EHMT1: variants seen among roughly 807,000 people sequenced by gnomAD.
EHMT1 encodes euchromatic histone lysine methyltransferase 1, also known as histone-lysine N-methyltransferase EHMT1.
In EHMT1, 15 loss-of-function variants were observed where a neutral mutation model predicts 147.2. That is an observed-to-expected ratio of 0.10 (90% CI 0.07 to 0.16). EHMT1 has a LOEUF of 0.16. Among genes scored for constraint, EHMT1 ranks in the 10% least tolerant of loss-of-function variants. EHMT1 has a pLI of 1.00. For missense variants in EHMT1, 1,587 were observed against 1,772.4 expected (o/e 0.90, Z 1.88); for synonymous variants, 795 against 709.6 (o/e 1.12, Z -1.91).
chr9:137,626,639 T>C (rs1174204654), intron 1 of EHMT1, among the ~76,000 whole-genome samples: 1 of 152,162 alleles, frequency 6.6e-6, no homozygotes, highest in South Asian at 2.1e-4. Flanking sequence ...ACCTTTCCTT[T>C]AGTGTCTCAT....
chr9:137,770,841 G>C (rs561790671), intron 10 of EHMT1, among the ~76,000 whole-genome samples: 3 of 152,238 alleles, frequency 2.0e-5, no homozygotes, highest in African/African-American at 7.2e-5. Context: ...GTGTCCTGCT[G>C]GGGGAGGCAC....
Position 137,835,228 on chromosome 9 carries a change from C to T in EHMT1, c.*275C>T. 1 of 353,526 alleles carries T rather than the reference C, an allele frequency of 2.8e-6. No homozygotes were observed. 21.9% of individuals were successfully genotyped at this position (353,526 alleles called of 1,614,324 possible). A position where few individuals can be genotyped will look rare whatever the true frequency, so the allele number is the denominator to read the frequency against. On this transcript the variant is annotated 3_prime_UTR_variant, in exon 27 of 27. Coordinates refer to ENST00000460843, the MANE Select transcript of EHMT1 (RefSeq NM_024757.5). ...CAGAGACGCTGGGAGTCCGCACTGG[C>T]ATCACCTTCTGAGTTTCTGATGCTG...
chr9:137,803,067 G>A (rs1184794580), intron 18 of EHMT1: 1 of 1,230,496 alleles, frequency 8.1e-7, no homozygotes, highest in Non-Finnish European at 1.0e-6. Flanking sequence ...GGCGGCCCTA[G>A]TGTGGCTGGT....
At chr9:137,660,929 A>G (rs1939010747) in intron 1 of EHMT1, among the ~76,000 whole-genome samples, 2 of 152,164 alleles carry the variant, frequency 1.3e-5, no homozygotes. Context: ...GCTAAGCTCT[A>G]CTATTATTTC....
At chr9:137,627,703 T>C (rs1043731158) in intron 1 of EHMT1, among the ~76,000 whole-genome samples, 1 of 133,332 alleles carries the variant, frequency 7.5e-6, no homozygotes, top group East Asian at 2.0e-4. Flanking sequence ...ATAAGCTGGA[T>C]TTTTTTTTTT....
chr9:137,631,260 C>T (rs144095687), intron 1 of EHMT1, among the ~76,000 whole-genome samples: 1,807 of 151,932 alleles, frequency 0.012, 31 homozygotes, highest in African/African-American at 0.041. Flanking sequence ...GGCGTGATGG[C>T]GGGCGCCTGT....
chr9:137,628,951 C>A (rs563033620), intron 1 of EHMT1, among the ~76,000 whole-genome samples: 1 of 151,776 alleles, frequency 6.6e-6, no homozygotes, highest in Non-Finnish European at 1.5e-5. Flanking sequence ...GTTTTGGATT[C>A]TTTAGGAACT....
intron 16 of EHMT1, chr9:137,795,109 T>C (rs1455116435): frequency 6.6e-6 from 1 of 152,176 alleles, no homozygotes; most frequent in Non-Finnish European, 1.5e-5. Flanking sequence ...TCTTCAAGCA[T>C]TGAAGCCAGT....
At chr9:137,682,700 G>T (rs1430756882) in intron 1 of EHMT1, among the ~76,000 whole-genome samples, 1 of 152,204 alleles carries the variant, frequency 6.6e-6, no homozygotes, top group African/African-American at 2.4e-5. Flanking sequence ...CGCCTTCCCC[G>T]TGGGCGGTGA....
chr9:137,643,635 A>G (rs1042480328), intron 1 of EHMT1, among the ~76,000 whole-genome samples: 3 of 152,114 alleles, frequency 2.0e-5, no homozygotes, highest in African/African-American at 7.2e-5. Flanking sequence ...GGCGTGAGCC[A>G]CCGCGCCCGG....
chr9:137,711,830 C>T lies in EHMT1; in HGVS notation c.85+800C>T, dbSNP rs73669134. On this transcript the variant is annotated intron_variant, in intron 2 of 26. Transcript: ENST00000460843. ...TGGCTGGACCCATAAGGGTGGCGGC[C>T]GTGGGAGCAGCTCAGACACTGGACT... Among the ~76,000 whole-genome samples the T allele has an allele frequency of 5.8e-3, 876 of 152,276 alleles. 8 individuals carry two copies. Among genetic ancestry groups the T allele is most frequent in the Middle Eastern group, 0.027 (8 of 294 alleles).
intron 1 of EHMT1, among the ~76,000 whole-genome samples, chr9:137,666,436 T>C (rs1939655692): frequency 6.6e-6 from 1 of 152,248 alleles, no homozygotes; most frequent in African/African-American, 2.4e-5. Context: ...TTTATTCTCC[T>C]ACCTGCCCCC....
intron 1 of EHMT1, among the ~76,000 whole-genome samples, chr9:137,664,471 G>A (rs953230894): frequency 6.6e-6 from 1 of 152,060 alleles, no homozygotes; most frequent in East Asian, 1.9e-4. Flanking sequence ...TGTTGGCCAG[G>A]CTGGTCTCGA....
chr9:137,735,464 G>C (rs1947451271), intron 4 of EHMT1, among the ~76,000 whole-genome samples: 1 of 152,120 alleles, frequency 6.6e-6, no homozygotes, highest in Non-Finnish European at 1.5e-5. Context: ...TATAAAAGAA[G>C]ACAGTAGTGC....
chr9:137,666,704 C>T (rs970439340), intron 1 of EHMT1, among the ~76,000 whole-genome samples: 3 of 152,168 alleles, frequency 2.0e-5, no homozygotes, highest in African/African-American at 4.8e-5. Context: ...CCCGTCCACA[C>T]GTGTGGGTTG....
intron 1 of EHMT1, among the ~76,000 whole-genome samples, chr9:137,644,670 A>G (rs1472756305): frequency 6.6e-6 from 1 of 152,100 alleles, no homozygotes; most frequent in African/African-American, 2.4e-5. Context: ...CTAAAAGTCT[A>G]AAAATCATGC....
At chr9:137,729,093 C>T (rs931456444) in intron 4 of EHMT1, among the ~76,000 whole-genome samples, 1 of 152,092 alleles carries the variant, frequency 6.6e-6, no homozygotes, top group African/African-American at 2.4e-5. Flanking sequence ...CGTCAGGGCT[C>T]CCTGGGCTTT....
At chr9:137,646,846 C>T (rs1023071867) in intron 1 of EHMT1, among the ~76,000 whole-genome samples, 13 of 152,146 alleles carry the variant, frequency 8.5e-5, no homozygotes, top group African/African-American at 2.9e-4. Context: ...ACCTTAAATT[C>T]CAGTCCCTCA....
At chr9:137,796,006 C>T (rs955004942) in intron 16 of EHMT1, among the ~76,000 whole-genome samples, 4 of 152,228 alleles carry the variant, frequency 2.6e-5, no homozygotes, top group Non-Finnish European at 4.4e-5. Context: ...CAACCTCACC[C>T]TGTCAGTAGT....
Sources: allele counts gnomAD v4.1 joint callset (sites outside exome capture counted in the v4.1 genomes callset), GRCh38; gene constraint gnomAD v4.1.1; transcripts MANE v1.5; gene names NCBI Gene and HGNC (gene_info 2026-07-23, HGNC 2026-07-21).